ST13: variants seen among roughly 807,000 people sequenced by gnomAD.
The protein encoded by ST13 is hsc70-interacting protein.
In ST13, 23 loss-of-function variants were observed where a neutral mutation model predicts 56.7. That is an observed-to-expected ratio of 0.41 (90% CI 0.29 to 0.57). ST13 has a LOEUF of 0.57. ST13 is among the 20% of genes least tolerant of loss of function. ST13 has a pLI of 0.36. For missense variants in ST13, 369 were observed against 459.9 expected (o/e 0.80, Z 1.81); for synonymous variants, 132 against 142.4 (o/e 0.93, Z 0.52).
intron 5 of ST13, 61 bp from the exon 6 acceptor site, chr22:40,835,948 T>A (rs532586012): frequency 7.6e-7 from 1 of 1,311,710 alleles, no homozygotes; most frequent in African/African-American, 1.5e-5. Flanking sequence ...ATAAAAAGTT[T>A]TGATCTGTTA....
intron 10 of ST13, among the ~76,000 whole-genome samples, chr22:40,828,977 T>C (rs1286561610): frequency 6.6e-6 from 1 of 152,224 alleles, no homozygotes; most frequent in African/African-American, 2.4e-5. Context: ...CAAAGATATC[T>C]GACAATAAGA....
chr22:40,845,730 T>TACAC (rs141527495), intron 3 of ST13, among the ~76,000 whole-genome samples: 17 of 151,184 alleles, frequency 1.1e-4, no homozygotes, highest in African/African-American at 3.9e-4. Context: ...TATATATATA[T>TACAC]ACACACACAC....
intron 1 of ST13, among the ~76,000 whole-genome samples, chr22:40,853,347 A>C (rs1476715733): frequency 6.6e-6 from 1 of 152,150 alleles, no homozygotes; most frequent in African/African-American, 2.4e-5. Context: ...TGTTGCAAAA[A>C]AAATAAAAAC....
chr22:40,853,076 A>G (rs1430260054), intron 1 of ST13, among the ~76,000 whole-genome samples: 10 of 152,224 alleles, frequency 6.6e-5, no homozygotes. Flanking sequence ...AACTGTTAAG[A>G]TCATGAAAGT....
At chr22:40,829,451 A>T (rs945866051) in intron 10 of ST13, among the ~76,000 whole-genome samples, 175 bp downstream of exon 10, 4 of 152,200 alleles carry the variant, frequency 2.6e-5, no homozygotes, top group Non-Finnish European at 5.9e-5. Context: ...ACACTGTACA[A>T]AAAACATCAT....
chr22:40,844,934 T>C (rs773183849), intron 3 of ST13, 25 bp from the exon 4 acceptor site: 1 of 1,580,772 alleles, frequency 6.3e-7, no homozygotes, highest in South Asian at 1.1e-5. Context: ...AAAATGACAA[T>C]AAGACCTGCA....
chr22:40,855,939 G>C (rs1469228473), intron 1 of ST13, among the ~76,000 whole-genome samples: 1 of 150,326 alleles, frequency 6.7e-6, no homozygotes, highest in African/African-American at 2.5e-5. Context: ...ACGCTGTAAG[G>C]TAAAAACAAT....
chr22:40,835,512 A>C, intron 7 of ST13, 48 bp downstream of exon 7: 1 of 1,477,274 alleles, frequency 6.8e-7, no homozygotes, highest in South Asian at 1.2e-5. Flanking sequence ...TTAAAACATC[A>C]GATTTAAATG....
chr22:40,837,235 T>G (rs955384771), intron 5 of ST13, among the ~76,000 whole-genome samples: 1 of 152,274 alleles, frequency 6.6e-6, no homozygotes, highest in Admixed American at 6.5e-5. Context: ...TATTAATTAC[T>G]ACTACAGGTA....
intron 3 of ST13, among the ~76,000 whole-genome samples, chr22:40,848,093 T>C (rs1168123484): frequency 6.6e-6 from 1 of 152,188 alleles, no homozygotes; most frequent in African/African-American, 2.4e-5. Flanking sequence ...CACATGTCAA[T>C]ATTTCAACCA....
intron 5 of ST13, among the ~76,000 whole-genome samples, chr22:40,836,978 G>C (rs570416954): frequency 6.6e-6 from 1 of 152,154 alleles, no homozygotes; most frequent in Admixed American, 6.5e-5. Flanking sequence ...ACTAAACCTG[G>C]CTAATTAAAA....
chr22:40,837,758 C>T (rs1347315028), intron 5 of ST13, among the ~76,000 whole-genome samples: 1 of 152,196 alleles, frequency 6.6e-6, no homozygotes, highest in East Asian at 1.9e-4. Context: ...TCAAGGGAAC[C>T]TCCCATCTCA....
At chr22:40,827,900 ATTATC>A (rs2057736335) in intron 10 of ST13, among the ~76,000 whole-genome samples, 1 of 152,160 alleles carries the variant, frequency 6.6e-6, no homozygotes, top group African/African-American at 2.4e-5. Flanking sequence ...AAATTGTATA[ATTATC>A]TTAGATTATA....
intron 1 of ST13, among the ~76,000 whole-genome samples, chr22:40,855,459 A>C (rs943846193): frequency 6.6e-6 from 1 of 152,210 alleles, no homozygotes; most frequent in Non-Finnish European, 1.5e-5. Flanking sequence ...AAAAGTCACT[A>C]AACACATAAC....
In ST13 at chr22:40,827,303, C is replaced by T; in HGVS notation, c.848-74G>A. The T allele has an allele frequency of 2.0e-6, 3 of 1,533,296 alleles. No individual in the cohort carries two copies. In the South Asian group the frequency reaches 3.4e-5, roughly 18 times the overall value. 95.0% of individuals were successfully genotyped at this position (1,533,296 alleles called of 1,614,324 possible). On this transcript the variant is annotated intron_variant, in intron 10 of 11. Transcript: ENST00000216218. The stretch of plus-strand genomic sequence containing the variant: ...CACAGTATTTCATCCACAAAAAGTA[C>T]AGGTTCAAAGAATATGGGTGCCACT...
intron 4 of ST13, among the ~76,000 whole-genome samples, chr22:40,843,929 C>CTGGA (rs1453039714): frequency 1.3e-5 from 2 of 149,862 alleles, no homozygotes; most frequent in Non-Finnish European, 2.9e-5. Flanking sequence ...GTCGCTCAGG[C>CTGGA]TGGAGTGCAG....
intron 7 of ST13, among the ~76,000 whole-genome samples, chr22:40,834,588 A>C (rs1351865291): frequency 6.6e-5 from 10 of 152,234 alleles, no homozygotes; most frequent in Non-Finnish European, 1.3e-4. Flanking sequence ...CTGTTCATTG[A>C]AACGACAGTA....
intron 8 of ST13, among the ~76,000 whole-genome samples, chr22:40,831,336 G>A (rs181840900): frequency 1.3e-3 from 192 of 152,266 alleles, no homozygotes; most frequent in Non-Finnish European, 1.8e-3. Flanking sequence ...GATGTCTGCC[G>A]TGGGAAGGCA....
chr22:40,832,312 C>A (rs904489570), intron 8 of ST13: 11 of 504,178 alleles, frequency 2.2e-5, no homozygotes, highest in African/African-American at 2.1e-4. Context: ...ACCCCCTTTT[C>A]TAATTTTCTG....
Sources: gnomAD v4.1 joint callset for allele counts (sites outside exome capture counted in the v4.1 genomes callset) on GRCh38, gnomAD v4.1.1 for gene constraint, MANE v1.5 for transcripts, NCBI Gene and HGNC (gene_info 2026-07-23, HGNC 2026-07-21) for gene names.